The following PRKN variants were observed in gnomAD, a reference collection of about 807,000 sequenced individuals.
The protein encoded by PRKN is E3 ubiquitin-protein ligase parkin.
A neutral mutation model predicts 59.5 loss-of-function variants in PRKN; 56 were observed. That is an observed-to-expected ratio of 0.94 (90% CI 0.76 to 1.18). PRKN has a LOEUF of 1.18. Among genes scored for constraint, PRKN ranks in the 50% most tolerant of loss-of-function variants. PRKN has a pLI of 0.00. For synonymous variants in PRKN, 250 were observed against 222.1 expected, an observed-to-expected ratio of 1.13 and a Z score of -1.12; for missense variants, 657 against 596.4, an observed-to-expected ratio of 1.10 and a Z score of -1.06.
Position 161,483,091 on chromosome 6 carries a change from G to T in PRKN, c.1083+65763C>A, listed in dbSNP as rs1301269051. 6.6e-6 allele frequency among the ~76,000 whole-genome samples: 1 copy of T among 151,496 alleles called. No individual in the cohort carries two copies. The highest frequency in any genetic ancestry group is 1.5e-5 in the Non-Finnish European group (1 of 68,010). On this transcript the variant is annotated intron_variant, in intron 9 of 11. Transcript: ENST00000366898. The surrounding 1 kb of genome is among the most constrained non-coding windows in gnomAD (Gnocchi z 5.0). ...TGTAAAAGTATGCTAGGGAGAAGAT[G>T]CAAGGGACTTCTCAGCAATTTCTCT...
At chr6:162,050,777 G>C (rs1055824618) in intron 5 of PRKN, among the ~76,000 whole-genome samples, 2 of 152,108 alleles carry the variant, frequency 1.3e-5, no homozygotes, top group African/African-American at 2.4e-5. Flanking sequence ...GAGCACTGAA[G>C]ACCTTTGAAC....
intron 9 of PRKN, among the ~76,000 whole-genome samples, chr6:161,516,037 G>A (rs953683501): frequency 3.3e-5 from 5 of 152,094 alleles, no homozygotes; most frequent in African/African-American, 1.2e-4. Flanking sequence ...CCATCAAGCT[G>A]GCTTTTAAGA....
chr6:162,017,888 A>G (rs778254419), intron 5 of PRKN, among the ~76,000 whole-genome samples: 2 of 139,884 alleles, frequency 1.4e-5, no homozygotes, highest in Non-Finnish European at 3.1e-5. Flanking sequence ...CAAGCATGAA[A>G]AAAGAAACCC....
intron 2 of PRKN, among the ~76,000 whole-genome samples, chr6:162,335,927 T>C (rs949408736): frequency 6.6e-6 from 1 of 151,028 alleles, no homozygotes; most frequent in African/African-American, 2.4e-5. Flanking sequence ...CTGGGGAGGA[T>C]TGGTCTCACT....
chr6:161,620,416 G>A (rs933168227), intron 7 of PRKN, among the ~76,000 whole-genome samples: 3 of 152,090 alleles, frequency 2.0e-5, no homozygotes, highest in African/African-American at 7.2e-5. Flanking sequence ...AATGAATGAC[G>A]TTAAGGAATT....
At chr6:161,442,000 A>G (rs747313692) in intron 9 of PRKN, among the ~76,000 whole-genome samples, 3 of 152,188 alleles carry the variant, frequency 2.0e-5, no homozygotes, top group Non-Finnish European at 2.9e-5. Context: ...ATCGCCAATG[A>G]GTTTCTGGTT....
rs1370536299 is a variant in PRKN, at chr6:162,390,394, TATACAC to T, written c.171+52910_171+52915del. Reference sequence around the variant, plus strand: ...GCTAAGGTATATATATATATATATATATACACACACACACACACACACACACACACA... The same window carrying T: ...GCTAAGGTATATATATATATATATATACACACACACACACACACACACACA... On this transcript the variant is annotated intron_variant, in intron 2 of 11. Coordinates refer to ENST00000366898, the MANE Select transcript of PRKN (RefSeq NM_004562.3). Among the ~76,000 whole-genome samples, 519 of 120,772 alleles carry T rather than the reference TATACAC, an allele frequency of 4.3e-3. 2 individuals are homozygous for T. Among genetic ancestry groups the T allele is most frequent in the African/African-American group, 5.5e-3 (144 of 26,138 alleles). 79.2% of individuals were successfully genotyped at this position (120,772 alleles called of 152,430 possible).
intron 1 of PRKN, among the ~76,000 whole-genome samples, chr6:162,535,164 G>C (rs1030388821): frequency 6.6e-6 from 1 of 152,102 alleles, no homozygotes; most frequent in African/African-American, 2.4e-5. Context: ...GTCGGAGTTG[G>C]CTGTGTTCAT....
At chr6:162,034,736 A>G (rs1783774950) in intron 5 of PRKN, among the ~76,000 whole-genome samples, 1 of 152,254 alleles carries the variant, frequency 6.6e-6, no homozygotes, top group South Asian at 2.1e-4. Context: ...CATGTAATTC[A>G]GAGAACAGAT....
rs1337678151 is a variant in PRKN, at chr6:161,561,616, G to T, written c.933+7739C>A. Among the ~76,000 whole-genome samples, 1 of 152,100 alleles carries T rather than the reference G, an allele frequency of 6.6e-6. No homozygotes were observed. Among genetic ancestry groups the T allele is most frequent in the Non-Finnish European group, 1.5e-5 (1 of 68,014 alleles). On this transcript the variant is annotated intron_variant, in intron 8 of 11. Coordinates refer to ENST00000366898, the MANE Select transcript of PRKN (RefSeq NM_004562.3). This position sits in a 1 kb window ranked among gnomAD's most constrained non-coding sequence, Gnocchi z 5.0. ...AGCCCCTCTCACAACACAAAAAGTGGCCTTCCTCCTGTTAGGGGCCGATTC... is the reference window on the plus strand; with the variant it reads ...AGCCCCTCTCACAACACAAAAAGTGTCCTTCCTCCTGTTAGGGGCCGATTC...
At chr6:162,348,512 T>C (rs1784496992) in intron 2 of PRKN, among the ~76,000 whole-genome samples, 1 of 152,152 alleles carries the variant, frequency 6.6e-6, no homozygotes, top group Admixed American at 6.6e-5. Context: ...TTTTCTATAA[T>C]ATAAAACTAA....
At chr6:162,371,811 C>T (rs2128137206) in intron 2 of PRKN, among the ~76,000 whole-genome samples, 1 of 152,330 alleles carries the variant, frequency 6.6e-6, no homozygotes, top group East Asian at 1.9e-4. Context: ...TATTATGTTT[C>T]TTCACCTCCC....
At position 161,582,465 on chromosome 6, in the gene PRKN, C is replaced by A. The variant is rs571760567; in HGVS notation, c.872-13049G>T. Among the ~76,000 whole-genome samples, 1 of 151,406 alleles carries A rather than the reference C, an allele frequency of 6.6e-6. No homozygotes were observed. Among genetic ancestry groups the A allele is most frequent in the Non-Finnish European group, 1.5e-5 (1 of 67,956 alleles). ...TTTTTGAGACAGAGTCTCGCTCTGTCGCCTAGGCTGGAGTGCAGTGGCGCG... is the reference window on the plus strand; with the variant it reads ...TTTTTGAGACAGAGTCTCGCTCTGTAGCCTAGGCTGGAGTGCAGTGGCGCG... On this transcript the variant is annotated intron_variant, in intron 7 of 11. Transcript: ENST00000366898. This position sits in a 1 kb window ranked among gnomAD's most constrained non-coding sequence, Gnocchi z 4.4.
At chr6:162,214,805 A>G (rs1383347360) in intron 3 of PRKN, among the ~76,000 whole-genome samples, 1 of 152,224 alleles carries the variant, frequency 6.6e-6, no homozygotes, top group Non-Finnish European at 1.5e-5. Flanking sequence ...ATTCATTAAA[A>G]GATTAAATAA....
chr6:161,740,587 C>T (rs926849), intron 7 of PRKN, among the ~76,000 whole-genome samples: 102,039 of 152,152 alleles, frequency 0.67, 34,555 homozygotes, highest in East Asian at 0.92. Flanking sequence ...CCGTTTGCAA[C>T]ATTGATGAAC....
At chr6:161,711,041 C>T (rs1035816882) in intron 7 of PRKN, among the ~76,000 whole-genome samples, 1 of 151,212 alleles carries the variant, frequency 6.6e-6, no homozygotes, top group Non-Finnish European at 1.5e-5. Context: ...ATTTCTTATT[C>T]CCGTTGATCT....
chr6:162,094,302 C>A (rs995519789), intron 4 of PRKN, among the ~76,000 whole-genome samples: 3 of 151,918 alleles, frequency 2.0e-5, no homozygotes, highest in Non-Finnish European at 4.4e-5. Context: ...CAAGCCTGGG[C>A]AACAAAGCGA....
At chr6:162,328,231 C>T (rs1003107303) in intron 2 of PRKN, among the ~76,000 whole-genome samples, 1 of 144,994 alleles carries the variant, frequency 6.9e-6, no homozygotes, top group Non-Finnish European at 1.5e-5. Flanking sequence ...TGGTGGTGCA[C>T]ACCTGTAGTC....
chr6:162,648,797 T>C (rs1778300046), intron 1 of PRKN, among the ~76,000 whole-genome samples: 1 of 152,230 alleles, frequency 6.6e-6, no homozygotes, highest in South Asian at 2.1e-4. Flanking sequence ...ATGTGTTAAC[T>C]TAGCTGGGCT....
Sources: gnomAD v4.1 joint callset for allele counts (sites outside exome capture counted in the v4.1 genomes callset) on GRCh38, gnomAD v4.1.1 for gene constraint, Gnocchi (gnomAD v3.1) non-coding constraint, MANE v1.5 for transcripts, NCBI Gene and HGNC (gene_info 2026-07-23, HGNC 2026-07-21) for gene names.